Variants in KALRN observed in about 807,000 individuals in gnomAD.
The protein encoded by KALRN is kalirin.
KALRN carries 70 observed loss-of-function variants against 353.7 expected under a neutral mutation model. The ratio of observed to expected loss-of-function variants is 0.20; its 90% CI spans 0.16 to 0.24. KALRN has a LOEUF of 0.24. Among genes scored for constraint, KALRN ranks in the 10% least tolerant of loss-of-function variants. KALRN has a pLI of 1.00. For synonymous variants in KALRN, 1,391 were observed against 1,434.8 expected (o/e 0.97, Z 0.69); for missense variants, 2,791 against 3,756.7 (o/e 0.74, Z 6.72).
At chr3:124,541,390 C>T (rs953760931) in intron 33 of KALRN, among the ~76,000 whole-genome samples, 7 of 151,850 alleles carry the variant, frequency 4.6e-5, no homozygotes, top group African/African-American at 1.4e-4. Context: ...GCGGAGGTTG[C>T]AGTGAGCCGA....
intron 48 of KALRN, among the ~76,000 whole-genome samples, chr3:124,674,161 A>G (rs542220324): frequency 6.6e-6 from 1 of 152,134 alleles, no homozygotes; most frequent in African/African-American, 2.4e-5. Flanking sequence ...CCTGGATGAT[A>G]ATATTGTTGA....
intron 34 of KALRN, among the ~76,000 whole-genome samples, chr3:124,620,926 G>A (rs1224547919): frequency 6.6e-6 from 1 of 152,234 alleles, no homozygotes; most frequent in Non-Finnish European, 1.5e-5. Flanking sequence ...AGGAGCCAAA[G>A]CGTGGGGCCA....
At chr3:124,230,955 C>G (rs1579731016) in intron 2 of KALRN, among the ~76,000 whole-genome samples, 1 of 148,896 alleles carries the variant, frequency 6.7e-6, no homozygotes, top group Non-Finnish European at 1.5e-5. Flanking sequence ...AATGAAGAAA[C>G]CTATAATTAA....
chr3:124,406,338 C>T (rs2091535792), intron 13 of KALRN, among the ~76,000 whole-genome samples: 1 of 152,192 alleles, frequency 6.6e-6, no homozygotes, highest in African/African-American at 2.4e-5. Flanking sequence ...AGGAACTCAA[C>T]ATTATATTGG....
chr3:124,581,266 G>A (rs1009201181), intron 34 of KALRN, among the ~76,000 whole-genome samples: 1 of 152,018 alleles, frequency 6.6e-6, no homozygotes, highest in African/African-American at 2.4e-5. Context: ...GGTGGTGCAC[G>A]TCTGTATTCC....
intron 11 of KALRN, among the ~76,000 whole-genome samples, chr3:124,391,795 C>T (rs982494832): frequency 2.0e-5 from 3 of 152,118 alleles, no homozygotes; most frequent in African/African-American, 7.2e-5. Context: ...GCACCATGTC[C>T]ACAATTTCAC....
rs1002417790 is a variant in KALRN, at chr3:124,725,839, T to C, written c.*6369T>C. On this transcript the variant is annotated 3_prime_UTR_variant, in exon 60 of 60. Transcript: ENST00000682506. ...CTGCCCCCCTCAAGTCTTTTGAGAATTTGGAGTGGGCTTCACTGGCCATTC... is the reference window on the plus strand; with the variant it reads ...CTGCCCCCCTCAAGTCTTTTGAGAACTTGGAGTGGGCTTCACTGGCCATTC... The C allele has an allele frequency of 5.9e-5, 9 of 152,234 alleles. No individual in the cohort carries two copies. The highest frequency in any genetic ancestry group is 1.3e-4 in the Non-Finnish European group (9 of 68,044). 9.4% of individuals were successfully genotyped at this position (152,234 alleles called of 1,614,324 possible).
chr3:124,590,691 T>G (rs1010277398), intron 34 of KALRN, among the ~76,000 whole-genome samples: 5 of 152,046 alleles, frequency 3.3e-5, no homozygotes, highest in African/African-American at 1.2e-4. Context: ...ACTCTTTCAG[T>G]GAGTAGCACA....
At chr3:124,389,816 A>G (rs2089046407) in intron 11 of KALRN, among the ~76,000 whole-genome samples, 1 of 152,244 alleles carries the variant, frequency 6.6e-6, no homozygotes, top group Non-Finnish European at 1.5e-5. Context: ...TAAGATTGAT[A>G]TGGGAGATTT....
intron 3 of KALRN, among the ~76,000 whole-genome samples, chr3:124,255,892 A>C (rs1201635795): frequency 1.3e-5 from 2 of 152,234 alleles, no homozygotes; most frequent in Non-Finnish European, 2.9e-5. Context: ...GGGCAAACTG[A>C]ATATAAAATT....
At chr3:124,411,324 A>C (rs1458946883) in intron 13 of KALRN, among the ~76,000 whole-genome samples, 2 of 151,882 alleles carry the variant, frequency 1.3e-5, no homozygotes, top group Non-Finnish European at 2.9e-5. Context: ...CTGAATGCTT[A>C]AAATATGTGT....
chr3:124,493,802 A>G (rs531508734), intron 32 of KALRN, among the ~76,000 whole-genome samples: 7 of 152,342 alleles, frequency 4.6e-5, no homozygotes, highest in East Asian at 1.9e-4. Context: ...AGAAACCTCC[A>G]TGGGGCGGAA....
At chr3:124,155,875 T>C (rs2068910176) in intron 1 of KALRN, among the ~76,000 whole-genome samples, 1 of 152,230 alleles carries the variant, frequency 6.6e-6, no homozygotes, top group South Asian at 2.1e-4. Context: ...GCCTTTACCT[T>C]CTTGCTTATT....
chr3:124,116,614 C>T (rs543624304), intron 1 of KALRN, among the ~76,000 whole-genome samples: 2 of 152,260 alleles, frequency 1.3e-5, no homozygotes, highest in East Asian at 1.9e-4. Context: ...GAGGGGGATA[C>T]GTTCCAAGAT....
At chr3:124,584,880 A>C in intron 34 of KALRN, 1 of 1,606,050 alleles carries the variant, frequency 6.2e-7, no homozygotes, top group Non-Finnish European at 8.5e-7. Context: ...CTCTTTGCTA[A>C]GTGCTGCTGT....
intron 1 of KALRN, among the ~76,000 whole-genome samples, chr3:124,051,811 G>T (rs1169502491): frequency 6.6e-6 from 1 of 152,200 alleles, no homozygotes; most frequent in Non-Finnish European, 1.5e-5. Context: ...AGTCAAGCCG[G>T]GTGGGGCAAG....
At chr3:124,506,603 C>T (rs1269804705) in intron 33 of KALRN, among the ~76,000 whole-genome samples, 2 of 152,016 alleles carry the variant, frequency 1.3e-5, no homozygotes, top group Admixed American at 6.6e-5. Context: ...TGTGAATGCT[C>T]CTATATACAT....
chr3:124,135,158 A>C (rs2065778322), intron 1 of KALRN, among the ~76,000 whole-genome samples: 1 of 152,250 alleles, frequency 6.6e-6, no homozygotes, highest in Admixed American at 6.5e-5. Flanking sequence ...TGGATAAAGA[A>C]AATGTGGTAT....
intron 33 of KALRN, among the ~76,000 whole-genome samples, chr3:124,535,207 G>T (rs1165293991): frequency 6.6e-6 from 1 of 151,776 alleles, no homozygotes; most frequent in Non-Finnish European, 1.5e-5. Context: ...CTAGCAACTT[G>T]TAAACACCCT....
Sources: allele counts gnomAD v4.1 joint callset (sites outside exome capture counted in the v4.1 genomes callset), GRCh38; gene constraint gnomAD v4.1.1; transcripts MANE v1.5; gene names NCBI Gene and HGNC (gene_info 2026-07-23, HGNC 2026-07-21).